Variants in SYT16 observed in about 807,000 individuals in gnomAD.
SYT16 encodes the protein synaptotagmin-16.
SYT16 carries 42 observed loss-of-function variants against 61.4 expected under a neutral mutation model. The ratio of observed to expected loss-of-function variants is 0.68; its 90% CI spans 0.53 to 0.89. The LOEUF (loss-of-function observed/expected upper bound fraction) is 0.89, where lower values mean the gene tolerates loss of function less well. SYT16 is among the 40% of genes least tolerant of loss of function. The pLI, the probability that SYT16 is intolerant of heterozygous loss-of-function variation, is 0.00. For missense variants in SYT16, 804 were observed against 807.3 expected (o/e 1.00, Z 0.05); for synonymous variants, 314 against 302.3 (o/e 1.04, Z -0.40).
intron 1 of SYT16, among the ~76,000 whole-genome samples, chr14:61,880,194 G>T (rs1034013924): frequency 3.3e-5 from 5 of 152,164 alleles, no homozygotes; most frequent in African/African-American, 1.2e-4. Flanking sequence ...CCATTTGTTG[G>T]CTTGGCATAA....
At chr14:62,075,483 ATTC>A in intron 5 of SYT16, 92 bp downstream of exon 5, 2 of 1,262,554 alleles carry the variant, frequency 1.6e-6, no homozygotes, top group Non-Finnish European at 2.1e-6. Flanking sequence ...AAAAAAAAAA[ATTC>A]CAGAAAGGAA....
At chr14:61,920,183 A>G (rs1218533943) in intron 1 of SYT16, among the ~76,000 whole-genome samples, 2 of 151,530 alleles carry the variant, frequency 1.3e-5, no homozygotes, top group Non-Finnish European at 2.9e-5. Flanking sequence ...GCTTCCTCCT[A>G]CCCTTTTATT....
At chr14:61,954,582 C>G (rs1217658365) in intron 1 of SYT16, among the ~76,000 whole-genome samples, 1 of 152,170 alleles carries the variant, frequency 6.6e-6, no homozygotes, top group Non-Finnish European at 1.5e-5. Context: ...ACGAGTTACT[C>G]TGCAGATGGC....
intron 1 of SYT16, chr14:61,864,930 TG>T: frequency 7.7e-7 from 1 of 1,293,084 alleles, no homozygotes; most frequent in Non-Finnish European, 1.1e-6. Context: ...ACCGGGGTCC[TG>T]GGCTGCCTGC....
chr14:61,951,108 T>C (rs1236635270), intron 1 of SYT16, among the ~76,000 whole-genome samples: 1 of 152,250 alleles, frequency 6.6e-6, no homozygotes, highest in African/African-American at 2.4e-5. Flanking sequence ...ATTTTTGCTC[T>C]CATCTGAAAT....
intron 1 of SYT16, among the ~76,000 whole-genome samples, chr14:61,910,008 C>T (rs971514076): frequency 3.3e-5 from 5 of 152,086 alleles, no homozygotes; most frequent in Non-Finnish European, 5.9e-5. Context: ...TTGAGTGAGT[C>T]CTCAGTTTCT....
In SYT16 at chr14:62,084,367, G is replaced by T. The variant is rs74675259; in HGVS notation, c.1606G>T (p.Ala536Ser). The T allele has an allele frequency of 6.2e-7, 1 of 1,612,058 alleles. No homozygotes were observed. The highest frequency in any genetic ancestry group is 1.1e-5 in the South Asian group (1 of 90,966). Residue 536 changes from alanine to serine, a missense_variant, in exon 7 of 8, where the codon GCT becomes TCT. Physicochemically the swap from Ala to Ser is moderately conservative, Grantham distance 99. Transcript: ENST00000683842. ...MIKGSHFRNLAVNRAPDTYGK... is the reference protein window; with the variant it reads ...MIKGSHFRNLSVNRAPDTYGK... Reference sequence around the variant, plus strand: ...CAAAGGCAGCCATTTCCGAAACCTCGCTGTTAACCGAGCACCTGGTAAGTG... The same window carrying T: ...CAAAGGCAGCCATTTCCGAAACCTCTCTGTTAACCGAGCACCTGGTAAGTG...
At chr14:61,976,364 G>A (rs1301090151) in intron 2 of SYT16, among the ~76,000 whole-genome samples, 1 of 152,182 alleles carries the variant, frequency 6.6e-6, no homozygotes, top group Admixed American at 6.5e-5. Flanking sequence ...ATTAAGTAGT[G>A]CCCCAGTGGG....
At chr14:61,864,866 C>A in intron 1 of SYT16, 1 of 1,160,640 alleles carries the variant, frequency 8.6e-7, no homozygotes, top group Non-Finnish European at 1.3e-6. Flanking sequence ...CTCCCAGCCA[C>A]CCCCGGCGGA....
chr14:62,078,172 A>ATAAACACAC (rs2056576554), intron 5 of SYT16, among the ~76,000 whole-genome samples: 90 of 128,850 alleles, frequency 7.0e-4, no homozygotes, highest in Non-Finnish European at 1.1e-3. Flanking sequence ...TATATATATA[A>ATAAACACAC]ACACACACAC....
intron 1 of SYT16, among the ~76,000 whole-genome samples, chr14:61,909,815 C>T (rs1293951642): frequency 6.6e-6 from 1 of 152,132 alleles, no homozygotes; most frequent in Non-Finnish European, 1.5e-5. Flanking sequence ...ATTTGTGGAG[C>T]CTTTAATCAA....
At chr14:61,824,924 TG>T (rs1317892425) in intron 1 of SYT16, among the ~76,000 whole-genome samples, 2 of 152,240 alleles carry the variant, frequency 1.3e-5, no homozygotes, top group Non-Finnish European at 2.9e-5. Flanking sequence ...TAATCGAACT[TG>T]TGCTTGTATA....
intron 1 of SYT16, among the ~76,000 whole-genome samples, chr14:61,820,614 T>C (rs1054961752): frequency 1.3e-5 from 2 of 151,264 alleles, no homozygotes; most frequent in Admixed American, 1.3e-4. Context: ...CCTGAGTAGC[T>C]GGGATTACAA....
intron 1 of SYT16, among the ~76,000 whole-genome samples, chr14:61,958,253 C>G (rs1217823438): frequency 1.3e-5 from 2 of 149,700 alleles, no homozygotes; most frequent in Non-Finnish European, 3.0e-5. Context: ...TAAAATTGTT[C>G]TTCCATTCTC....
At chr14:62,046,081 G>A (rs1031522072) in intron 3 of SYT16, among the ~76,000 whole-genome samples, 2 of 152,010 alleles carry the variant, frequency 1.3e-5, no homozygotes, top group African/African-American at 4.8e-5. Context: ...GTGTAAAAGT[G>A]TTCCTATTTC....
At chr14:62,002,452 C>CT (rs200688679) in intron 3 of SYT16, among the ~76,000 whole-genome samples, 2 of 143,874 alleles carry the variant, frequency 1.4e-5, no homozygotes, top group Non-Finnish European at 3.2e-5. Context: ...GCTTTTGCCC[C>CT]TTCCCAGGAA....
intron 3 of SYT16, among the ~76,000 whole-genome samples, chr14:62,057,190 A>G (rs73262294): frequency 0.067 from 10,236 of 152,206 alleles, 966 homozygotes; most frequent in African/African-American, 0.21. Context: ...TCAAATGCCA[A>G]TCTCCTTTGG....
intron 1 of SYT16, among the ~76,000 whole-genome samples, chr14:61,919,859 A>G (rs145027801): frequency 0.13 from 465 of 3,702 alleles, 2 homozygotes; most frequent in Non-Finnish European, 0.18. Context: ...AGAAAAAGCT[A>G]TCTGATATGC....
At chr14:61,938,563 A>T (rs2050081331) in intron 1 of SYT16, among the ~76,000 whole-genome samples, 1 of 152,084 alleles carries the variant, frequency 6.6e-6, no homozygotes, top group Non-Finnish European at 1.5e-5. Flanking sequence ...TGGAACTACA[A>T]GGCTTCCTTT....
Sources: allele counts gnomAD v4.1 joint callset (sites outside exome capture counted in the v4.1 genomes callset), GRCh38; gene constraint gnomAD v4.1.1; transcripts MANE v1.5; gene names NCBI Gene and HGNC (gene_info 2026-07-23, HGNC 2026-07-21).